The following IL1RL2 variants were observed in gnomAD, a reference collection of about 807,000 sequenced individuals.
IL1RL2 encodes the protein interleukin-1 receptor-like 2.
Under a neutral mutation model 66.8 loss-of-function variants are expected in IL1RL2, and 68 were observed. The ratio of observed to expected loss-of-function variants is 1.02; its 90% confidence interval spans 0.84 to 1.25. The LOEUF is 1.25. IL1RL2 is among the 50% of genes most tolerant of loss of function. The probability of loss-of-function intolerance (pLI) is 0.00; values close to 1 mark genes in which losing one functional copy is unlikely to be tolerated. For missense variants in IL1RL2, 729 were observed against 709.3 expected (o/e 1.03, Z -0.32); for synonymous variants, 305 against 264.6 (o/e 1.15, Z -1.48).
Position 102,225,987 on chromosome 2 carries a change from A to C in IL1RL2, c.1081A>C (p.Ile361Leu). ...TGTGTACATATACAACATTTTTAAG[A>C]TCGACATTGTTCTTTGGTATCGAAG... The part of the protein sequence containing the change: ...SVVYIYNIFK[I>L]DIVLWYRSAF... Residue 361 changes from isoleucine (I) to leucine (L), a missense_variant, in exon 9 of 12, where the codon ATC becomes CTC. By Grantham distance (5) the Ile-to-Leu change is conservative. Coordinates refer to ENST00000264257, the MANE Select transcript of IL1RL2 (RefSeq NM_003854.4). The C allele has an allele frequency of 6.2e-7, 1 of 1,608,630 alleles. No individual in the cohort carries two copies. Among genetic ancestry groups the C allele is most frequent in the Non-Finnish European group, 8.5e-7 (1 of 1,177,334 alleles).
Position 102,189,259 on chromosome 2 carries a change from TG to T in IL1RL2, c.243del (p.Leu81PhefsTer17), listed in dbSNP as rs1191625227. 1 of 1,613,950 alleles carries T rather than the reference TG, an allele frequency of 6.2e-7. No individual in the cohort carries two copies. Among genetic ancestry groups the T allele is most frequent in the South Asian group, 1.1e-5 (1 of 91,076 alleles). On this transcript the variant is annotated frameshift_variant, in exon 3 of 12. Coordinates refer to ENST00000264257, the MANE Select transcript of IL1RL2 (RefSeq NM_003854.4). LOFTEE classifies it high-confidence loss of function. ...ATTCACCAGGACGAGACTTGGATTT[TG>T]TTTCTCCCCATGGAATGGGGGGACT... ...SRIHQDETWI[L>X]FLPMEWGDSG...
chr2:102,233,456 G>T (rs767610223), intron 10 of IL1RL2, among the ~76,000 whole-genome samples: 1 of 152,210 alleles, frequency 6.6e-6, no homozygotes, highest in Non-Finnish European at 1.5e-5. Context: ...GAAAGGTGGC[G>T]AGTGGTCATT....
intron 5 of IL1RL2, among the ~76,000 whole-genome samples, chr2:102,208,274 A>G (rs559192626): frequency 1.9e-4 from 29 of 152,136 alleles, no homozygotes; most frequent in South Asian, 1.2e-3. Context: ...AGGGGAGACA[A>G]TTGGCGGATT....
intron 1 of IL1RL2, among the ~76,000 whole-genome samples, 191 bp from the exon 2 acceptor site, chr2:102,187,665 G>C (rs886534134): frequency 1.3e-5 from 2 of 152,190 alleles, no homozygotes; most frequent in Non-Finnish European, 2.9e-5. Context: ...CTGGTCGGGC[G>C]CCCAGACGAA....
At chr2:102,238,010 C>A (rs1215328009) in intron 11 of IL1RL2, among the ~76,000 whole-genome samples, 1 of 152,144 alleles carries the variant, frequency 6.6e-6, no homozygotes, top group African/African-American at 2.4e-5. Flanking sequence ...GCCAGTGTGC[C>A]TTCATCACAG....
chr2:102,199,825 G>A (rs944895038), intron 4 of IL1RL2, among the ~76,000 whole-genome samples: 1 of 152,188 alleles, frequency 6.6e-6, no homozygotes, highest in African/African-American at 2.4e-5. Flanking sequence ...AGGGCAGCCT[G>A]TCCAGGGAAG....
chr2:102,241,194 A>C (rs1675222353), downstream of IL1RL2, among the ~76,000 whole-genome samples: 1 of 152,248 alleles, frequency 6.6e-6, no homozygotes, highest in Non-Finnish European at 1.5e-5. Flanking sequence ...GCTGCTGAGA[A>C]GGTGGAGATA....
At position 102,223,610 on chromosome 2, in the gene IL1RL2, G is replaced by A. The variant is rs554869652; in HGVS notation, c.992-2288G>A. The stretch of plus-strand genomic sequence containing the variant: ...TCTTTTAGCTCGTTTACAGAGCAGA[G>A]GGCATCAGTACTCTCGAAGGCAATG... On this transcript the variant is annotated intron_variant, in intron 8 of 11. Transcript: ENST00000264257. Among the ~76,000 whole-genome samples, 49 of 152,298 alleles carry A rather than the reference G, an allele frequency of 3.2e-4. No individual in the cohort carries two copies. The South Asian group carries it at 8.5e-3, about 26-fold the overall frequency.
At chr2:102,209,239 T>C (rs533055352) in intron 5 of IL1RL2, among the ~76,000 whole-genome samples, 1 of 152,344 alleles carries the variant, frequency 6.6e-6, no homozygotes, top group East Asian at 1.9e-4. Context: ...TCTTCTACTA[T>C]GAAACTGTCA....
intron 9 of IL1RL2, among the ~76,000 whole-genome samples, chr2:102,227,956 A>C (rs986599838): frequency 1.3e-5 from 2 of 152,054 alleles, no homozygotes; most frequent in Admixed American, 6.6e-5. Flanking sequence ...AGAAAACAGG[A>C]ATAGTGACTC....
At chr2:102,204,908 T>G (rs1028292412) in intron 5 of IL1RL2, among the ~76,000 whole-genome samples, 3 of 136,554 alleles carry the variant, frequency 2.2e-5, no homozygotes, top group African/African-American at 7.5e-5. Context: ...GTTTTCTGCT[T>G]GTTTTGGTCT....
downstream of IL1RL2, among the ~76,000 whole-genome samples, chr2:102,240,361 C>CTTTTT (rs551743835): frequency 4.4e-4 from 35 of 79,796 alleles, 2 homozygotes; most frequent in African/African-American, 1.3e-3. Context: ...TCTTCTCCTC[C>CTTTTT]TTTTTTTTTT....
At chr2:102,223,955 A>G (rs748949050) in intron 8 of IL1RL2, among the ~76,000 whole-genome samples, 30 of 152,198 alleles carry the variant, frequency 2.0e-4, no homozygotes, top group Non-Finnish European at 4.1e-4. Context: ...CAGTGCGTCT[A>G]TACTGGCTGC....
At chr2:102,205,919 T>C (rs1056253060) in intron 5 of IL1RL2, among the ~76,000 whole-genome samples, 3 of 152,180 alleles carry the variant, frequency 2.0e-5, no homozygotes, top group African/African-American at 7.2e-5. Flanking sequence ...TGCTTCATTG[T>C]TTTTTATTCT....
intron 3 of IL1RL2, 127 bp downstream of exon 3, chr2:102,189,437 A>G (rs759975951): frequency 9.6e-5 from 62 of 643,976 alleles, no homozygotes; most frequent in Middle Eastern, 4.1e-4. Context: ...TAATTGCTAC[A>G]AGACAATTTC....
chr2:102,231,152 C>T (rs1691090115), intron 9 of IL1RL2, among the ~76,000 whole-genome samples: 1 of 152,216 alleles, frequency 6.6e-6, no homozygotes, highest in Admixed American at 6.5e-5. Context: ...CTGCTGAAGT[C>T]CTTATTCATT....
At chr2:102,195,602 T>TTCC (rs1687639166) in intron 4 of IL1RL2, among the ~76,000 whole-genome samples, 1 of 17,722 alleles carries the variant, frequency 5.6e-5, no homozygotes, top group Non-Finnish European at 1.3e-4. Context: ...TCTTTCTTTC[T>TTCC]TTCTTTCTTT....
At chr2:102,205,961 T>G (rs1286621181) in intron 5 of IL1RL2, among the ~76,000 whole-genome samples, 2 of 152,114 alleles carry the variant, frequency 1.3e-5, no homozygotes, top group East Asian at 3.9e-4. Context: ...CTGTGTATTT[T>G]CAGATAGCCT....
chr2:102,206,073 A>G (rs1425959184), intron 5 of IL1RL2, among the ~76,000 whole-genome samples: 2 of 152,016 alleles, frequency 1.3e-5, no homozygotes, highest in Non-Finnish European at 2.9e-5. Flanking sequence ...CATTTCCAGA[A>G]TTTCTGCTTG....
Sources: allele counts gnomAD v4.1 joint callset (sites outside exome capture counted in the v4.1 genomes callset), GRCh38; gene constraint gnomAD v4.1.1; transcripts MANE v1.5; gene names NCBI Gene and HGNC (gene_info 2026-07-23, HGNC 2026-07-21).